The following SIRPB2 variants were observed in gnomAD, a reference collection of about 807,000 sequenced individuals.
The protein encoded by SIRPB2 is signal regulatory protein beta 2.
A neutral mutation model predicts 27.1 loss-of-function variants in SIRPB2; 18 were observed. The observed-to-expected ratio is 0.66, with a 90% CI of 0.46 to 0.98. The LOEUF (loss-of-function observed/expected upper bound fraction) is 0.98, where lower values mean the gene tolerates loss of function less well. SIRPB2 is among the 50% of genes least tolerant of loss of function. The pLI is 0.00. For missense variants in SIRPB2, 420 were observed against 417.4 expected, an observed-to-expected ratio of 1.01 and a Z score of -0.06; for synonymous variants, 150 against 164.6, an observed-to-expected ratio of 0.91 and a Z score of 0.68.
rs6042507 is a variant in SIRPB2 at position 1,478,415 on chromosome 20, T to G, written c.644A>C (p.Glu215Ala). 1,451,122 of 1,614,080 alleles carry G rather than the reference T, an allele frequency of 0.9. 653,398 individuals are homozygous for G. The highest frequency in any genetic ancestry group is 1 in the East Asian group (44,782 of 44,858). Reference sequence around the variant, plus strand: ...ATTGTTGGAGGCCTGCACCGCTGTCTCCTTGGGGTGGGAGATGCCTCCAAA... The same window carrying G: ...ATTGTTGGAGGCCTGCACCGCTGTCGCCTTGGGGTGGGAGATGCCTCCAAA... ...YNFGGISHPKETAVQASNNDF... is the reference protein window; with the variant it reads ...YNFGGISHPKATAVQASNNDF... The change falls in exon 3 of 5, where the codon GAG becomes GCG. Residue 215 changes from glutamate (E) to alanine (A), a missense_variant. Transcript: ENST00000359801.
intron 3 of SIRPB2, among the ~76,000 whole-genome samples, 176 bp from the exon 4 acceptor site, chr20:1,477,579 A>C (rs910532395): frequency 6.6e-6 from 1 of 152,226 alleles, no homozygotes; most frequent in African/African-American, 2.4e-5. Flanking sequence ...GAGCACGTTT[A>C]GGGTATGGAC....
chr20:1,483,568 T>C (rs1361515619), intron 1 of SIRPB2, among the ~76,000 whole-genome samples: 1 of 152,232 alleles, frequency 6.6e-6, no homozygotes, highest in Non-Finnish European at 1.5e-5. Context: ...TTCATTCCTT[T>C]CCTTTGCTCA....
intron 1 of SIRPB2, among the ~76,000 whole-genome samples, chr20:1,490,353 G>A (rs958957960): frequency 1.3e-5 from 2 of 152,176 alleles, no homozygotes; most frequent in Non-Finnish European, 2.9e-5. Context: ...GTCATGGACA[G>A]AATCTAGATC....
chr20:1,481,802 C>T (rs1384062982), intron 1 of SIRPB2, among the ~76,000 whole-genome samples: 1 of 152,204 alleles, frequency 6.6e-6, no homozygotes, highest in Non-Finnish European at 1.5e-5. Flanking sequence ...GCGACATCCA[C>T]TCTCAAACAT....
chr20:1,473,605 C>T (rs1400002277), downstream of SIRPB2, among the ~76,000 whole-genome samples: 1 of 152,028 alleles, frequency 6.6e-6, no homozygotes, highest in Non-Finnish European at 1.5e-5. Flanking sequence ...CCAGAGAGGC[C>T]TTTAAAGGTA....
intron 3 of SIRPB2, 127 bp downstream of exon 3, chr20:1,478,139 A>C (rs2090625524): frequency 1.1e-6 from 1 of 877,212 alleles, no homozygotes; most frequent in Non-Finnish European, 1.8e-6. Flanking sequence ...AAAGCATTCC[A>C]GGTAGAGGGA....
intron 2 of SIRPB2, 87 bp downstream of exon 2, chr20:1,479,613 G>T: frequency 6.5e-7 from 1 of 1,539,810 alleles, no homozygotes; most frequent in Non-Finnish European, 8.8e-7. Flanking sequence ...GAAATTTTGT[G>T]TGATACAGCA....
At chr20:1,485,545 A>C (rs2090716656) in intron 1 of SIRPB2, among the ~76,000 whole-genome samples, 1 of 152,072 alleles carries the variant, frequency 6.6e-6, no homozygotes, top group South Asian at 2.1e-4. Context: ...CCACCTTAAG[A>C]AACTAGAAAA....
intron 3 of SIRPB2, 129 bp downstream of exon 3, chr20:1,478,137 C>G: frequency 1.1e-6 from 1 of 874,060 alleles, no homozygotes; most frequent in Admixed American, 2.0e-5. Flanking sequence ...AGAAAGCATT[C>G]CAGGTAGAGG....
At chr20:1,483,802 C>T (rs113818511) in intron 1 of SIRPB2, among the ~76,000 whole-genome samples, 1,562 of 152,204 alleles carry the variant, frequency 0.01, 28 homozygotes, top group African/African-American at 0.035. Context: ...TGTTGCCTGT[C>T]TTTCGAAGTC....
At chr20:1,491,225 G>T in intron 1 of SIRPB2, 50 bp downstream of exon 1, 1 of 1,538,228 alleles carries the variant, frequency 6.5e-7, no homozygotes, top group South Asian at 1.2e-5. Flanking sequence ...TGCCCCTCTA[G>T]GGACTGACCA....
chr20:1,475,763 A>T lies in SIRPB2; in HGVS notation c.*404T>A. 7.4e-6 allele frequency: 1 copy of T among 134,444 alleles called. No homozygotes were observed. The highest frequency in any genetic ancestry group is 1.6e-5 in the Non-Finnish European group (1 of 60,838). The allele number at this position is 134,444 out of a possible 1,614,324, so 8.3% of individuals were successfully genotyped here. Reference sequence around the variant, plus strand: ...GGGAGAAAGGTGTAGATGGAGGGGCACAGATGGTCTGGCTGGTTGAGTTCA... The same window carrying T: ...GGGAGAAAGGTGTAGATGGAGGGGCTCAGATGGTCTGGCTGGTTGAGTTCA... On this transcript the variant is annotated 3_prime_UTR_variant, in exon 5 of 5. Transcript: ENST00000359801.
chr20:1,485,300 C>G (rs1209647712), intron 1 of SIRPB2, among the ~76,000 whole-genome samples: 2 of 152,066 alleles, frequency 1.3e-5, no homozygotes, highest in African/African-American at 2.4e-5. Context: ...ATCCTAAATA[C>G]TTTGACTCAT....
At chr20:1,473,839 T>G (rs1236255521), downstream of SIRPB2, 1 of 456,290 alleles carries the variant, frequency 2.2e-6, no homozygotes, top group South Asian at 1.5e-5. Context: ...TGTTTCAGCT[T>G]CCCGTGGCCG....
chr20:1,473,657 G>C (rs2090589329), downstream of SIRPB2: 13 of 289,922 alleles, frequency 4.5e-5, no homozygotes, highest in South Asian at 3.8e-4. Flanking sequence ...AGCTTTGTGT[G>C]GTCAAAGTCC....
intron 1 of SIRPB2, among the ~76,000 whole-genome samples, chr20:1,491,068 C>G (rs8118276): frequency 6.6e-6 from 1 of 152,048 alleles, no homozygotes; most frequent in Non-Finnish European, 1.5e-5. Flanking sequence ...TGGGTGTGAG[C>G]GCAGAGCCTG....
chr20:1,480,757 C>T (rs1035706995), intron 1 of SIRPB2, among the ~76,000 whole-genome samples: 4 of 152,266 alleles, frequency 2.6e-5, no homozygotes, highest in South Asian at 4.1e-4. Context: ...TTGTTCAAGC[C>T]GCCCAGGCCA....
chr20:1,484,377 T>C (rs2090704207), intron 1 of SIRPB2, among the ~76,000 whole-genome samples: 1 of 152,194 alleles, frequency 6.6e-6, no homozygotes, highest in Non-Finnish European at 1.5e-5. Context: ...AGCTTCTTCA[T>C]AACAAAAGCA....
At chr20:1,483,933 T>C (rs1209049405) in intron 1 of SIRPB2, among the ~76,000 whole-genome samples, 2 of 152,240 alleles carry the variant, frequency 1.3e-5, no homozygotes, top group Non-Finnish European at 2.9e-5. Context: ...TTGTGTTCTT[T>C]TTCTGGGATT....
Sources: allele counts gnomAD v4.1 joint callset (sites outside exome capture counted in the v4.1 genomes callset), GRCh38; gene constraint gnomAD v4.1.1; transcripts MANE v1.5; gene names NCBI Gene and HGNC (gene_info 2026-07-23, HGNC 2026-07-21).